ABL1: variants seen among roughly 807,000 people sequenced by gnomAD.
The protein encoded by ABL1 is tyrosine-protein kinase ABL1.
A neutral mutation model predicts 94.7 loss-of-function variants in ABL1; 11 were observed. That is an observed-to-expected ratio of 0.12 (90% CI 0.07 to 0.19). The LOEUF is 0.19. ABL1 is among the 10% of genes least tolerant of loss of function. The pLI is 1.00. For missense variants in ABL1, 1,082 were observed against 1,489.4 expected (o/e 0.73, Z 4.50); for synonymous variants, 656 against 622.4 (o/e 1.05, Z -0.80).
In ABL1 at chr9:130,877,300, C is replaced by T. The variant is rs958088995; in HGVS notation, c.1271-1115C>T. Among the ~76,000 whole-genome samples, 5 of 148,270 alleles carry T rather than the reference C, an allele frequency of 3.4e-5. 1 individual carries two copies. The highest frequency in any genetic ancestry group is 1.3e-4 in the Admixed American group (2 of 14,934). On this transcript the variant is annotated intron_variant, in intron 7 of 10. Transcript: ENST00000318560. The stretch of plus-strand genomic sequence containing the variant: ...CACCCATTTCTCTAAGGAATCTTAT[C>T]CTTTAATGGGAAATGGAATTTTAAG...
At chr9:130,837,659 ATAGT>A (rs1830609354) in intron 1 of ABL1, among the ~76,000 whole-genome samples, 1 of 152,034 alleles carries the variant, frequency 6.6e-6, no homozygotes, top group Non-Finnish European at 1.5e-5. Context: ...TTTCGTTGTT[ATAGT>A]TAATTAGAGA....
chr9:130,745,409 T>TGTAG (rs764515006), intron 1 of ABL1, among the ~76,000 whole-genome samples: 4 of 151,894 alleles, frequency 2.6e-5, no homozygotes, highest in Non-Finnish European at 4.4e-5. Context: ...TTGTCAACTG[T>TGTAG]GTAGGTGTTC....
rs915543643 is a variant in ABL1, at chr9:130,811,766, G to A, written c.137-42298G>A. Among the ~76,000 whole-genome samples, 3 of 151,652 alleles carry A rather than the reference G, an allele frequency of 2.0e-5. No individual in the cohort carries two copies. In the South Asian group the frequency reaches 6.2e-4, roughly 32 times the overall value. On this transcript the variant is annotated intron_variant, in intron 1 of 10. Transcript: ENST00000372348. ...TCTACTAAAAATACAAAAATTAGCCGGGCATGGTGGTGGCACCTGCCCGTA... is the reference window on the plus strand; with the variant it reads ...TCTACTAAAAATACAAAAATTAGCCAGGCATGGTGGTGGCACCTGCCCGTA...
intron 1 of ABL1, among the ~76,000 whole-genome samples, chr9:130,844,301 G>A (rs1273284880): frequency 6.6e-6 from 1 of 152,176 alleles, no homozygotes; most frequent in African/African-American, 2.4e-5. Context: ...AGAGATTGAG[G>A]AGGAAAAGTG....
Position 130,865,230 on chromosome 9 carries a change from G to A in ABL1, c.822+2195G>A, listed in dbSNP as rs141616666. On this transcript the variant is annotated intron_variant, in intron 4 of 10. Coordinates refer to ENST00000318560, the MANE Select transcript of ABL1 (RefSeq NM_005157.6). ...CACAGTTGGTAAAGAATTACAGGAT[G>A]TCATTGCGTGGATTTCTGTGGGCAG... Among the ~76,000 whole-genome samples, 26 of 152,328 alleles carry A rather than the reference G, an allele frequency of 1.7e-4. No homozygotes were observed. In the East Asian group the frequency reaches 3.5e-3, roughly 20 times the overall value.
intron 1 of ABL1, among the ~76,000 whole-genome samples, chr9:130,767,430 T>A (rs1832198045): frequency 6.6e-6 from 1 of 152,178 alleles, no homozygotes; most frequent in African/African-American, 2.4e-5. Flanking sequence ...CCTCCCGGGT[T>A]CAAGCGATTC....
At chr9:130,763,952 A>G (rs965017277) in intron 1 of ABL1, among the ~76,000 whole-genome samples, 1 of 152,144 alleles carries the variant, frequency 6.6e-6, no homozygotes, top group Non-Finnish European at 1.5e-5. Flanking sequence ...CTGCCAGCAC[A>G]AGGGGAACAT....
chr9:130,795,484 G>A (rs908960218), intron 1 of ABL1, among the ~76,000 whole-genome samples: 1 of 152,114 alleles, frequency 6.6e-6, no homozygotes, highest in Non-Finnish European at 1.5e-5. Flanking sequence ...TATGAATTAC[G>A]TTGTGTCCAG....
intron 1 of ABL1, among the ~76,000 whole-genome samples, chr9:130,726,364 AC>A (rs1354965124): frequency 5.9e-5 from 9 of 152,072 alleles, no homozygotes; most frequent in Non-Finnish European, 1.3e-4. Context: ...CTACTGTCTT[AC>A]GTTTTAGCAC....
At chr9:130,816,839 G>A (rs1422709010) in intron 1 of ABL1, among the ~76,000 whole-genome samples, 1 of 152,202 alleles carries the variant, frequency 6.6e-6, no homozygotes, top group Non-Finnish European at 1.5e-5. Context: ...AAGTAGCTGG[G>A]ATTAGAGGCA....
At chr9:130,824,696 CTGCTT>C (rs1266402799) in intron 1 of ABL1, among the ~76,000 whole-genome samples, 2 of 152,176 alleles carry the variant, frequency 1.3e-5, no homozygotes, top group Non-Finnish European at 2.9e-5. Context: ...AAGCAAAACT[CTGCTT>C]TGCTGTTTTG....
At chr9:130,719,349 T>TA (rs1831486593) in intron 1 of ABL1, among the ~76,000 whole-genome samples, 1 of 151,998 alleles carries the variant, frequency 6.6e-6, no homozygotes, top group East Asian at 1.9e-4. Flanking sequence ...ACCAAGAAGG[T>TA]AAAACCCTGT....
At chr9:130,853,889 GGAA>G (rs2132955493) in intron 1 of ABL1, among the ~76,000 whole-genome samples, 172 bp from the exon 2 acceptor site, 1 of 152,248 alleles carries the variant, frequency 6.6e-6, no homozygotes, top group East Asian at 1.9e-4. Flanking sequence ...ATTTAGTAAA[GGAA>G]GAGTTTTTTA....
rs1171854091 is a variant in ABL1, at chr9:130,835,755, C to CTCTT, written c.79+233_79+234insTTCT. On this transcript the variant is annotated intron_variant, in intron 1 of 10. Transcript: ENST00000318560. The surrounding 1 kb of genome is among the most constrained non-coding windows in gnomAD (Gnocchi z 4.6). Reference sequence around the variant, plus strand: ...TCTCTTCTCTTGTCTCTCTCTTTTTCTCTCTCTCTGTCTCTTTCTCTTTCT... The same window carrying CTCTT: ...TCTCTTCTCTTGTCTCTCTCTTTTTCTCTTTCTCTCTCTGTCTCTTTCTCTTTCT... Among the ~76,000 whole-genome samples, 1 of 149,004 alleles carries CTCTT rather than the reference C, an allele frequency of 6.7e-6. No individual in the cohort carries two copies.
chr9:130,848,517 C>CAAAAA (rs34492912), intron 1 of ABL1, among the ~76,000 whole-genome samples: 1 of 86,506 alleles, frequency 1.2e-5, no homozygotes. Flanking sequence ...GACTCCAACT[C>CAAAAA]AAAAAAAAAA....
chr9:130,847,667 T>C (rs568504309), intron 1 of ABL1, among the ~76,000 whole-genome samples: 27 of 152,318 alleles, frequency 1.8e-4, no homozygotes, highest in African/African-American at 6.3e-4. Context: ...TCCAGAGGCA[T>C]GCATGAGCAA....
chr9:130,806,844 T>C (rs931549464), intron 1 of ABL1, among the ~76,000 whole-genome samples: 1 of 152,156 alleles, frequency 6.6e-6, no homozygotes, highest in East Asian at 1.9e-4. Flanking sequence ...GAAAGTTTCA[T>C]CATTATTTTA....
chr9:130,775,518 C>A (rs1470913670), intron 1 of ABL1, among the ~76,000 whole-genome samples: 3 of 151,960 alleles, frequency 2.0e-5, no homozygotes, highest in African/African-American at 7.3e-5. Flanking sequence ...AAGTTAGACA[C>A]AACTGAAGAG....
At chr9:130,761,883 C>A (rs1039126232) in intron 1 of ABL1, among the ~76,000 whole-genome samples, 1 of 152,188 alleles carries the variant, frequency 6.6e-6, no homozygotes, top group Admixed American at 6.5e-5. Context: ...TGGCTCACAC[C>A]TGTAATCCCA....
Sources: allele counts gnomAD v4.1 joint callset (sites outside exome capture counted in the v4.1 genomes callset), GRCh38; gene constraint gnomAD v4.1.1; non-coding constraint Gnocchi (gnomAD v3.1); transcripts MANE v1.5; gene names NCBI Gene and HGNC (gene_info 2026-07-23, HGNC 2026-07-21).